Variants in IL2RB observed in about 807,000 individuals in gnomAD.
The protein encoded by IL2RB is interleukin 2 receptor subunit beta, also known as interleukin-2 receptor subunit beta.
IL2RB carries 17 observed loss-of-function variants against 44.2 expected under a neutral mutation model. The observed-to-expected ratio is 0.38, with a 90% CI of 0.26 to 0.58. The LOEUF is 0.58. Ranked by LOEUF, IL2RB falls within the 20% of genes least tolerant of loss-of-function variation. IL2RB has a pLI of 0.63. For missense variants in IL2RB, 624 were observed against 685.5 expected (o/e 0.91, Z 1.00); for synonymous variants, 286 against 297.9 (o/e 0.96, Z 0.41).
In IL2RB at chr22:37,139,153, C is replaced by A. The variant is rs767844744; in HGVS notation, c.352G>T (p.Val118Leu). ...GGCTTGAAGTCCTGGATGGCCATCA[C>A]CCTCCATCGCACCCCCTCACGGCAC... ...VLCREGVRWR[V>L]MAIQDFKPFE... Residue 118 changes from valine to leucine, a missense_variant, in exon 5 of 10, where the codon GTG becomes TTG. Physicochemically the swap from Val to Leu is conservative, Grantham distance 32. This residue lies in a region of IL2RB where 255 missense variants were observed against 339.9 expected (regional missense o/e 0.75). Transcript: ENST00000216223. 5 of 1,613,824 alleles carry A rather than the reference C, an allele frequency of 3.1e-6. No individual in the cohort carries two copies. Among genetic ancestry groups the A allele is most frequent in the African/African-American group, 2.7e-5 (2 of 74,910 alleles).
At chr22:37,155,187 G>A (rs370495859) in intron 1 of IL2RB, among the ~76,000 whole-genome samples, 1 of 152,066 alleles carries the variant, frequency 6.6e-6, no homozygotes, top group Non-Finnish European at 1.5e-5. Context: ...GTGCAGAGAG[G>A]TGCACCTGCT....
At chr22:37,145,975 C>A (rs1410666761) in intron 1 of IL2RB, among the ~76,000 whole-genome samples, 1 of 152,198 alleles carries the variant, frequency 6.6e-6, no homozygotes, top group Non-Finnish European at 1.5e-5. Flanking sequence ...GCCTCCACGT[C>A]CCTCCCGATG....
Position 37,128,485 on chromosome 22 carries a change from A to C in IL2RB, c.1267T>G (p.Ser423Ala), listed in dbSNP as rs754227771. 1 of 1,598,950 alleles carries C rather than the reference A, an allele frequency of 6.3e-7. No individual in the cohort carries two copies. The highest frequency in any genetic ancestry group is 1.3e-5 in the African/African-American group (1 of 74,594). Reference protein sequence around the residue: ...GEDDAYCTFPSRDDLLLFSPS... With the variant: ...GEDDAYCTFPARDDLLLFSPS... ...GAGAAGAGCAGCAGGTCATCCCTGG[A>C]GGGGAAGGTGCAGTAGGCGTCGTCC... The change falls in exon 10 of 10, where the codon TCC becomes GCC. Residue 423 changes from serine (S) to alanine (A), a missense_variant. Coordinates refer to ENST00000216223, the MANE Select transcript of IL2RB (RefSeq NM_000878.5). The surrounding 1 kb of genome is among the most constrained non-coding windows in gnomAD (Gnocchi z 4.5).
chr22:37,142,662 C>T (rs1406984001), intron 3 of IL2RB, 150 bp from the exon 4 acceptor site: 1 of 748,794 alleles, frequency 1.3e-6, no homozygotes, highest in Admixed American at 2.0e-5. Context: ...AGGGGCACTG[C>T]CTCCCCCACT....
intron 8 of IL2RB, among the ~76,000 whole-genome samples, chr22:37,133,689 A>C (rs1285991156): frequency 6.6e-6 from 1 of 152,198 alleles, no homozygotes; most frequent in South Asian, 2.1e-4. Flanking sequence ...CAGAGGGCGA[A>C]GTGGATCCTG....
intron 1 of IL2RB, among the ~76,000 whole-genome samples, chr22:37,164,743 A>G (rs1020055538): frequency 6.6e-6 from 1 of 152,096 alleles, no homozygotes; most frequent in African/African-American, 2.4e-5. Context: ...GGCTCCAGAG[A>G]GCAGAGGGCC....
At chr22:37,156,801 G>A (rs1395584459) in intron 1 of IL2RB, among the ~76,000 whole-genome samples, 3 of 152,168 alleles carry the variant, frequency 2.0e-5, no homozygotes, top group East Asian at 1.9e-4. Flanking sequence ...CTCTGCCACC[G>A]CCTGTCCTCT....
intron 1 of IL2RB, among the ~76,000 whole-genome samples, chr22:37,169,088 G>A (rs372847675): frequency 6.6e-6 from 1 of 151,928 alleles, no homozygotes; most frequent in African/African-American, 2.4e-5. Context: ...CTTACAGAGG[G>A]GTTCTGTTTA....
chr22:37,143,157 C>G (rs1003692), intron 3 of IL2RB, among the ~76,000 whole-genome samples: 28,078 of 151,944 alleles, frequency 0.18, 3,010 homozygotes, highest in East Asian at 0.35. Context: ...CGAGCTTATC[C>G]AAAAAGCTTG....
chr22:37,173,794 G>A (rs916921271), intron 1 of IL2RB, among the ~76,000 whole-genome samples: 3 of 152,178 alleles, frequency 2.0e-5, no homozygotes, highest in African/African-American at 7.2e-5. Flanking sequence ...CTTTGGCGCT[G>A]CTGTAGCCCT....
rs775132140 is a variant in IL2RB, at chr22:37,128,434, G to A, written c.1318C>T (p.Pro440Ser). 136 of 1,539,808 alleles carry A rather than the reference G, an allele frequency of 8.8e-5. 1 individual carries two copies. In the Middle Eastern group the frequency reaches 3.9e-3, roughly 44 times the overall value. The change falls in exon 10 of 10, where the codon CCC becomes TCC. Residue 440 changes from proline (P) to serine (S), a missense_variant. By Grantham distance (74) the Pro-to-Ser change is moderately conservative. Around this residue, in one of 3 missense-constraint regions of IL2RB, gnomAD observed 291 missense variants for 275.5 expected, o/e 1.06. Coordinates refer to ENST00000216223, the MANE Select transcript of IL2RB (RefSeq NM_000878.5). This position sits in a 1 kb window ranked among gnomAD's most constrained non-coding sequence, Gnocchi z 4.5. ...FSPSLLGGPS[P>S]PSTAPGGSGA... ...CTGCCCCCAGGGGCAGTGCTTGGGGGGCTGGGGCCACCGAGGAGACTGGGG... is the reference window on the plus strand; with the variant it reads ...CTGCCCCCAGGGGCAGTGCTTGGGGAGCTGGGGCCACCGAGGAGACTGGGG...
chr22:37,156,401 C>G (rs989547297), intron 1 of IL2RB, among the ~76,000 whole-genome samples: 4 of 152,208 alleles, frequency 2.6e-5, no homozygotes, highest in African/African-American at 4.8e-5. Flanking sequence ...CTTTATTTCT[C>G]TCTTACATAA....
intron 1 of IL2RB, among the ~76,000 whole-genome samples, chr22:37,162,882 A>G (rs560852231): frequency 6.6e-6 from 1 of 152,096 alleles, no homozygotes; most frequent in South Asian, 2.1e-4. Flanking sequence ...CAGCAGCCAA[A>G]CCACCAACAC....
intron 5 of IL2RB, among the ~76,000 whole-genome samples, chr22:37,138,284 C>T (rs1191759012): frequency 6.6e-6 from 1 of 152,152 alleles, no homozygotes; most frequent in Non-Finnish European, 1.5e-5. Flanking sequence ...TCTATAGAAC[C>T]ACATAAGTGA....
intron 9 of IL2RB, among the ~76,000 whole-genome samples, chr22:37,131,666 T>G (rs940029906): frequency 6.6e-6 from 1 of 151,560 alleles, no homozygotes; most frequent in South Asian, 2.1e-4. Context: ...GCACAGACAG[T>G]GGGGTGGAGA....
Position 37,129,100 on chromosome 22 carries a change from G to A in IL2RB, c.904-252C>T, listed in dbSNP as rs186998411. Among the ~76,000 whole-genome samples the A allele has an allele frequency of 4.4e-3, 666 of 152,344 alleles. 5 individuals carry two copies. The highest frequency in any genetic ancestry group is 0.015 in the African/African-American group (615 of 41,572). On this transcript the variant is annotated intron_variant, in intron 9 of 9. Transcript: ENST00000216223. ...CCAGCACAGGCCTGCCTGGCTGCCA[G>A]TAGTGCCCAGGAATGTCTGATTGCT...
At chr22:37,144,249 C>G in intron 1 of IL2RB, 44 bp from the exon 2 acceptor site, 1 of 1,495,984 alleles carries the variant, frequency 6.7e-7, no homozygotes, top group South Asian at 1.3e-5. Context: ...AATACACATC[C>G]CAGGCCTCGC....
Position 37,174,279 on chromosome 22 carries a change from G to A in IL2RB, c.-34+679C>T, listed in dbSNP as rs146931080. On this transcript the variant is annotated intron_variant, in intron 1 of 5. Coordinates refer to the IL2RB transcript ENST00000429622. ...CATGAAGCTGAAGGCCAAGGGAGCTGAAAGCCTTGCCACTGAATGCTGAAA... is the reference window on the plus strand; with the variant it reads ...CATGAAGCTGAAGGCCAAGGGAGCTAAAAGCCTTGCCACTGAATGCTGAAA... Among the ~76,000 whole-genome samples the A allele has an allele frequency of 2.1e-3, 324 of 152,322 alleles. 1 individual carries two copies. Among genetic ancestry groups the A allele is most frequent in the Admixed American group, 3.9e-3 (60 of 15,304 alleles).
intron 1 of IL2RB, among the ~76,000 whole-genome samples, chr22:37,157,324 AC>A (rs1359758134): frequency 6.7e-6 from 1 of 149,276 alleles, no homozygotes; most frequent in Non-Finnish European, 1.5e-5. Context: ...TCCCTCCCTC[AC>A]CCCCTCCTTC....
Sources: allele counts gnomAD v4.1 joint callset (sites outside exome capture counted in the v4.1 genomes callset), GRCh38; gene constraint gnomAD v4.1.1; regional missense constraint gnomAD v4.1.1; non-coding constraint Gnocchi (gnomAD v3.1); transcripts MANE v1.5; gene names NCBI Gene and HGNC (gene_info 2026-07-23, HGNC 2026-07-21).